The following NAALADL2 variants were observed in gnomAD, a reference collection of about 807,000 sequenced individuals.
The protein encoded by NAALADL2 is inactive N-acetylated-alpha-linked acidic dipeptidase-like protein 2.
A neutral mutation model predicts 87.2 loss-of-function variants in NAALADL2; 76 were observed. That is an observed-to-expected ratio of 0.87 (90% CI 0.72 to 1.05). The LOEUF (loss-of-function observed/expected upper bound fraction) is 1.05. Among genes scored for constraint, NAALADL2 ranks in the 50% least tolerant of loss-of-function variants. The pLI, the probability that NAALADL2 is intolerant of heterozygous loss-of-function variation, is 0.00. For synonymous variants in NAALADL2, 354 were observed against 331.0 expected, an observed-to-expected ratio of 1.07 and a Z score of -0.75; for missense variants, 1,089 against 945.8, an observed-to-expected ratio of 1.15 and a Z score of -1.99.
intron 4 of NAALADL2, among the ~76,000 whole-genome samples, chr3:175,299,422 A>G (rs1389639486): frequency 6.7e-6 from 1 of 149,058 alleles, no homozygotes; most frequent in African/African-American, 2.6e-5. Context: ...CTTATCCATG[A>G]GCATGGAATC....
intron 1 of NAALADL2, among the ~76,000 whole-genome samples, chr3:175,080,187 G>A (rs1047837130): frequency 3.3e-5 from 5 of 152,170 alleles, no homozygotes; most frequent in African/African-American, 1.2e-4. Context: ...GGATGGTCTC[G>A]ATCTCCTGAC....
chr3:174,728,954 A>G (rs1732452270), intron 2 of NAALADL2, among the ~76,000 whole-genome samples: 1 of 152,118 alleles, frequency 6.6e-6, no homozygotes, highest in African/African-American at 2.4e-5. Flanking sequence ...CTTGACATAC[A>G]GCACAAAGCC....
At chr3:174,995,135 C>CAA (rs534512303) in intron 1 of NAALADL2, among the ~76,000 whole-genome samples, 85 of 143,092 alleles carry the variant, frequency 5.9e-4, no homozygotes, top group African/African-American at 2.1e-3. Context: ...AAAATAATAG[C>CAA]AAAAAAAAAA....
At chr3:175,206,380 G>A (rs1740925126) in intron 2 of NAALADL2, among the ~76,000 whole-genome samples, 1 of 148,104 alleles carries the variant, frequency 6.8e-6, no homozygotes, top group South Asian at 2.1e-4. Context: ...ATACTATTCA[G>A]CCATAAAAAT....
At chr3:175,427,230 T>C (rs1217049809) in intron 5 of NAALADL2, among the ~76,000 whole-genome samples, 2 of 152,132 alleles carry the variant, frequency 1.3e-5, no homozygotes, top group South Asian at 4.1e-4. Flanking sequence ...TTTTTAACAA[T>C]TTACAACAGA....
At chr3:174,620,603 C>T (rs1262451418) in intron 2 of NAALADL2, among the ~76,000 whole-genome samples, 1 of 151,934 alleles carries the variant, frequency 6.6e-6, no homozygotes, top group East Asian at 1.9e-4. Context: ...ATTTAGGACT[C>T]TCTGGCCCAA....
intron 8 of NAALADL2, among the ~76,000 whole-genome samples, chr3:175,470,761 CAGAAG>C (rs1347000864): frequency 1.3e-5 from 2 of 151,878 alleles, no homozygotes; most frequent in African/African-American, 4.8e-5. Context: ...TGGTAAGGAG[CAGAAG>C]AGAAGTGGAA....
intron 5 of NAALADL2, among the ~76,000 whole-genome samples, chr3:175,356,089 A>C (rs539248377): frequency 6.6e-6 from 1 of 152,178 alleles, no homozygotes; most frequent in Non-Finnish European, 1.5e-5. Flanking sequence ...AGGACCTTGG[A>C]AACCGAGGAA....
chr3:174,614,437 G>T (rs1326681995), intron 2 of NAALADL2, among the ~76,000 whole-genome samples: 1 of 152,180 alleles, frequency 6.6e-6, no homozygotes, highest in Admixed American at 6.5e-5. Flanking sequence ...GTGAGCATCA[G>T]TTGAGTTCGG....
At position 175,316,942 on chromosome 3, in the gene NAALADL2, C is replaced by A. The variant is rs181199070; in HGVS notation, c.940-7233C>A. On this transcript the variant is annotated intron_variant, in intron 4 of 13. Transcript: ENST00000454872. The stretch of plus-strand genomic sequence containing the variant: ...GCACTATGATGGCCAGTGACAGATG[C>A]CACCAGGAGCCAAATTTGACAGCAT... 3.2e-4 allele frequency among the ~76,000 whole-genome samples: 48 copies of A among 152,228 alleles called. No individual in the cohort carries two copies. In the East Asian group the frequency reaches 7.6e-3, roughly 24 times the overall value.
intron 2 of NAALADL2, among the ~76,000 whole-genome samples, chr3:174,623,504 C>A (rs1254978684): frequency 6.6e-6 from 1 of 151,376 alleles, no homozygotes; most frequent in Non-Finnish European, 1.5e-5. Flanking sequence ...TTGTTACATA[C>A]CTTTTTCTTA....
At chr3:174,882,636 CACATAT>C (rs1184009049) in intron 1 of NAALADL2, among the ~76,000 whole-genome samples, 2 of 88,538 alleles carry the variant, frequency 2.3e-5, no homozygotes, top group African/African-American at 8.3e-5. Flanking sequence ...TGTGCATATA[CACATAT>C]GTGCATATAC....
At chr3:175,045,861 A>G (rs375000626) in intron 1 of NAALADL2, among the ~76,000 whole-genome samples, 1 of 152,128 alleles carries the variant, frequency 6.6e-6, no homozygotes, top group Admixed American at 6.6e-5. Flanking sequence ...GTGGAGGAAC[A>G]CTATCACTAT....
At chr3:175,299,220 T>C (rs1756734502) in intron 4 of NAALADL2, among the ~76,000 whole-genome samples, 1 of 152,176 alleles carries the variant, frequency 6.6e-6, no homozygotes, top group South Asian at 2.1e-4. Flanking sequence ...CCAGCTTTGT[T>C]CTTTTTGCTT....
At chr3:175,243,442 C>T (rs772643888) in intron 3 of NAALADL2, among the ~76,000 whole-genome samples, 1 of 151,410 alleles carries the variant, frequency 6.6e-6, no homozygotes, top group Non-Finnish European at 1.5e-5. Flanking sequence ...CCCACAGTTC[C>T]TCAGGAAACA....
chr3:174,785,206 A>G (rs1017262831), intron 3 of NAALADL2, among the ~76,000 whole-genome samples: 1 of 152,028 alleles, frequency 6.6e-6, no homozygotes, highest in African/African-American at 2.4e-5. Flanking sequence ...AGTCTTCAGT[A>G]TTTACTGTTG....
intron 3 of NAALADL2, among the ~76,000 whole-genome samples, chr3:174,812,154 A>AT (rs1337893196): frequency 6.6e-6 from 1 of 152,146 alleles, no homozygotes; most frequent in Admixed American, 6.5e-5. Flanking sequence ...GTTTTTTTTA[A>AT]TAGCAGCGTG....
At chr3:175,515,451 C>T (rs950499543) in intron 9 of NAALADL2, among the ~76,000 whole-genome samples, 2 of 151,694 alleles carry the variant, frequency 1.3e-5, no homozygotes, top group Admixed American at 6.6e-5. Flanking sequence ...TTGATCCTAG[C>T]AATTTGGTAT....
chr3:175,051,706 G>T (rs1036075065), intron 1 of NAALADL2, among the ~76,000 whole-genome samples: 3 of 152,196 alleles, frequency 2.0e-5, no homozygotes, highest in Admixed American at 1.3e-4. Flanking sequence ...TTATACAAAG[G>T]TGTGGACTTT....
Sources: allele counts gnomAD v4.1 joint callset (sites outside exome capture counted in the v4.1 genomes callset), GRCh38; gene constraint gnomAD v4.1.1; transcripts MANE v1.5; gene names NCBI Gene and HGNC (gene_info 2026-07-23, HGNC 2026-07-21).